IL31RA: variants seen among roughly 807,000 people sequenced by gnomAD.
IL31RA encodes the protein interleukin 31 receptor A, also known as interleukin-31 receptor subunit alpha.
IL31RA carries 66 observed loss-of-function variants against 83.7 expected under a neutral mutation model. That is an observed-to-expected ratio of 0.79 (90% CI 0.65 to 0.97). The LOEUF is 0.97. Among genes scored for constraint, IL31RA ranks in the 50% least tolerant of loss-of-function variants. The pLI, the probability that IL31RA is intolerant of heterozygous loss-of-function variation, is 0.00. For missense variants in IL31RA, 798 were observed against 919.4 expected, an observed-to-expected ratio of 0.87 and a Z score of 1.71; for synonymous variants, 325 against 329.0, an observed-to-expected ratio of 0.99 and a Z score of 0.13.
chr5:55,883,319 T>G, intron 5 of IL31RA, 124 bp downstream of exon 5: 1 of 899,240 alleles, frequency 1.1e-6, no homozygotes, highest in South Asian at 1.5e-5. Flanking sequence ...GAGACATTGC[T>G]AAGTACTTCT....
In IL31RA at chr5:55,907,361, A is replaced by T; in HGVS notation, c.1255A>T (p.Lys419Ter). The T allele has an allele frequency of 6.2e-7, 1 of 1,607,356 alleles. No homozygotes were observed. The highest frequency in any genetic ancestry group is 1.1e-5 in the South Asian group (1 of 90,940). Residue 419 changes from lysine to a stop codon, truncating the protein, a stop_gained and splice_region_variant, in exon 10 of 15, where the codon AAA becomes TAA. Transcript: ENST00000652347. LOFTEE classifies it high-confidence loss of function. ...TTTTTTTTCTTTCTTTTTCACAGAT[A>T]AATTAAAACCTTTCTGGTGCTATAA... is the stretch of plus-strand genomic sequence containing the variant. ...QATNWTIQQD[K>*]LKPFWCYNIS...
rs1382942332 is a variant in IL31RA, at chr5:55,908,248, C to A, written c.1355-17C>A. The A allele has an allele frequency of 6.2e-7, 1 of 1,613,816 alleles. No individual in the cohort carries two copies. The highest frequency in any genetic ancestry group is 8.5e-7 in the Non-Finnish European group (1 of 1,180,046). ...GTGCGGTTCAGTGATTATCATTTATCCCTCTGTCCTTTCCAGTTCCATCAG... is the reference window on the plus strand; with the variant it reads ...GTGCGGTTCAGTGATTATCATTTATACCTCTGTCCTTTCCAGTTCCATCAG... On this transcript the variant is annotated splice_polypyrimidine_tract_variant and intron_variant, in intron 10 of 14. Transcript: ENST00000652347.
At position 55,906,086 on chromosome 5, in the gene IL31RA, G is replaced by A. The variant is rs371746719; in HGVS notation, c.1070-20G>A. 1.2e-6 allele frequency: 2 copies of A among 1,613,474 alleles called. No individual in the cohort carries two copies. Among genetic ancestry groups the A allele is most frequent in the African/African-American group, 2.7e-5 (2 of 74,922 alleles). On this transcript the variant is annotated intron_variant, in intron 8 of 14. Coordinates refer to ENST00000652347, the MANE Select transcript of IL31RA (RefSeq NM_139017.7). ...GAATGAGTTGGGTAGCTGTGAAGCA[G>A]TCCTTTTCTCTCCTTTCAGCATTTC...
intron 6 of IL31RA, among the ~76,000 whole-genome samples, chr5:55,895,592 T>C (rs1245370809): frequency 1.3e-5 from 2 of 152,256 alleles, no homozygotes; most frequent in Non-Finnish European, 2.9e-5. Flanking sequence ...AAAACAGCTA[T>C]GAAAAATGCA....
rs1749217188 is a variant in IL31RA, at chr5:55,907,387, C to A, written c.1281C>A (p.Asn427Lys). The A allele has an allele frequency of 6.2e-7, 1 of 1,613,114 alleles. No homozygotes were observed. Among genetic ancestry groups the A allele is most frequent in the Non-Finnish European group, 8.5e-7 (1 of 1,179,194 alleles). Residue 427 changes from asparagine to lysine, a missense_variant, in exon 10 of 15, where the codon AAC (asparagine) becomes AAA (lysine). By Grantham distance (94) the Asn-to-Lys change is moderately conservative. Coordinates refer to ENST00000652347, the MANE Select transcript of IL31RA (RefSeq NM_139017.7). ...QDKLKPFWCY[N>K]ISVYPMLHDK... ...AATTAAAACCTTTCTGGTGCTATAACATCTCTGTGTATCCAATGTTGCATG... is the reference window on the plus strand; with the variant it reads ...AATTAAAACCTTTCTGGTGCTATAAAATCTCTGTGTATCCAATGTTGCATG...
intron 1 of IL31RA, among the ~76,000 whole-genome samples, chr5:55,857,921 G>A: frequency 6.6e-6 from 1 of 152,180 alleles, no homozygotes; most frequent in Non-Finnish European, 1.5e-5. Flanking sequence ...GTTTGTTTGT[G>A]AGAGGGCCAG....
chr5:55,872,195 G>T (rs1746551855), intron 3 of IL31RA, 75 bp from the exon 4 acceptor site: 3 of 1,095,548 alleles, frequency 2.7e-6, no homozygotes, highest in Non-Finnish European at 4.2e-6. Flanking sequence ...ACAAATTACT[G>T]CTTAATACAT....
the IL31RA span, among the ~76,000 whole-genome samples, chr5:55,845,674 ACTT>A: frequency 6.6e-6 from 1 of 151,962 alleles, no homozygotes; most frequent in Non-Finnish European, 1.5e-5. Flanking sequence ...GAAGGTGCCT[ACTT>A]CTCCTTTTCC....
At position 55,921,221 on chromosome 5, in the gene IL31RA, A is replaced by G. The variant is rs1377794681; in HGVS notation, c.*4101A>G. On this transcript the variant is annotated 3_prime_UTR_variant, in exon 15 of 15. Coordinates refer to ENST00000652347, the MANE Select transcript of IL31RA (RefSeq NM_139017.7). ...GTAATCCCAAGAGTTTTAAATAGCA[A>G]TTATTTGTCATGCTTAATTAACTCC... Among the ~76,000 whole-genome samples the G allele has an allele frequency of 6.6e-6, 1 of 152,172 alleles. No homozygotes were observed. The highest frequency in any genetic ancestry group is 2.4e-5 in the African/African-American group (1 of 41,436).
In IL31RA at chr5:55,917,789, C is replaced by G. The variant is rs894167938; in HGVS notation, c.*669C>G. Among the ~76,000 whole-genome samples the G allele has an allele frequency of 6.6e-6, 1 of 152,170 alleles. No individual in the cohort carries two copies. Among genetic ancestry groups the G allele is most frequent in the Non-Finnish European group, 1.5e-5 (1 of 68,042 alleles). ...CTAAAAAATCAAGGAATGGGGAGGGCCCTGGGGAATGTATGCTGCCGGGCG... is the reference window on the plus strand; with the variant it reads ...CTAAAAAATCAAGGAATGGGGAGGGGCCTGGGGAATGTATGCTGCCGGGCG... On this transcript the variant is annotated 3_prime_UTR_variant, in exon 15 of 15. Transcript: ENST00000652347.
Position 55,917,278 on chromosome 5 carries a change from A to C in IL31RA, c.*158A>C, listed in dbSNP as rs1030035312. The stretch of plus-strand genomic sequence containing the variant: ...GAGCTGCCAGTTGAACTTGGTCGGC[A>C]AAGATGCGACCTTGTACTGGGAAGA... On this transcript the variant is annotated 3_prime_UTR_variant, in exon 15 of 15. Coordinates refer to ENST00000652347, the MANE Select transcript of IL31RA (RefSeq NM_139017.7). 2.6e-6 allele frequency: 4 copies of C among 1,550,436 alleles called. No individual in the cohort carries two copies. In the Admixed American group the frequency reaches 7.6e-5, roughly 29 times the overall value.
At chr5:55,909,004 C>G in intron 11 of IL31RA, 1 of 608,360 alleles carries the variant, frequency 1.6e-6, no homozygotes, top group Non-Finnish European at 2.1e-6. Flanking sequence ...TCTTCTATTT[C>G]TGCCCAAATA....
intron 14 of IL31RA, among the ~76,000 whole-genome samples, 184 bp downstream of exon 14, chr5:55,915,112 T>G (rs1273688036): frequency 6.6e-6 from 1 of 152,166 alleles, no homozygotes; most frequent in Non-Finnish European, 1.5e-5. Context: ...TGACTTTGAC[T>G]TCATGCTTTG....
intron 6 of IL31RA, among the ~76,000 whole-genome samples, chr5:55,895,316 C>A (rs762946235): frequency 2.0e-4 from 31 of 152,224 alleles, no homozygotes; most frequent in African/African-American, 6.0e-4. Context: ...GTTCTCTAAT[C>A]AGTAGCTCAG....
upstream of IL31RA, among the ~76,000 whole-genome samples, chr5:55,847,243 AAAAATAAATAAATAAAT>A (rs1172461292): frequency 0.012 from 242 of 19,640 alleles, 5 homozygotes; most frequent in African/African-American, 0.024. Flanking sequence ...AAAAAAAAAT[AAAAATAAATAAATAAAT>A]AAATAAATAA....
rs1463982577 is a variant in IL31RA at position 55,867,227 on chromosome 5, GTGTGTT to G, written c.155-1558_155-1553del. ...TGTGTGTGCGCATGTGTGTTTGTGT[GTGTGTT>G]TGTGTGTGTGTTTGTGTGTGCGTGT... On this transcript the variant is annotated intron_variant, in intron 2 of 14. Transcript: ENST00000652347. 2.7e-3 allele frequency among the ~76,000 whole-genome samples: 329 copies of G among 122,742 alleles called. 5 individuals are homozygous for G. The highest frequency in any genetic ancestry group is 0.012 in the African/African-American group (289 of 24,336). The allele number at this position is 122,742 out of a possible 152,430, so 80.5% of individuals were successfully genotyped here.
intron 5 of IL31RA, among the ~76,000 whole-genome samples, chr5:55,886,268 C>CTTGCTCTTTTTTTTTTTTTTTTT (rs1235138364): frequency 1.4e-5 from 1 of 71,510 alleles, no homozygotes; most frequent in African/African-American, 7.3e-5. Context: ...TGCTTGCTTG[C>CTTGCTCTTTTTTTTTTTTTTTTT]TTTTTTTTTT....
chr5:55,907,472 C>G lies in IL31RA; in HGVS notation c.1354+12C>G. 2 of 1,557,438 alleles carry G rather than the reference C, an allele frequency of 1.3e-6. No homozygotes were observed. The highest frequency in any genetic ancestry group is 1.8e-6 in the Non-Finnish European group (2 of 1,128,136). On this transcript the variant is annotated intron_variant, in intron 10 of 14. Transcript: ENST00000652347. Reference sequence around the variant, plus strand: ...TGCCAAAGAAGGCGGTATGAATGGACAAGACCCTGTGGGGAAAAGGAAACA... The same window carrying G: ...TGCCAAAGAAGGCGGTATGAATGGAGAAGACCCTGTGGGGAAAAGGAAACA...
intron 5 of IL31RA, among the ~76,000 whole-genome samples, chr5:55,889,699 A>G (rs537975494): frequency 1.3e-5 from 2 of 152,342 alleles, no homozygotes; most frequent in African/African-American, 4.8e-5. Context: ...CTGCTCACCC[A>G]GACCAGGCCA....
Sources: gnomAD v4.1 joint callset for allele counts (sites outside exome capture counted in the v4.1 genomes callset) on GRCh38, gnomAD v4.1.1 for gene constraint, MANE v1.5 for transcripts, NCBI Gene and HGNC (gene_info 2026-07-23, HGNC 2026-07-21) for gene names.